WDFY3: variants seen among roughly 807,000 people sequenced by gnomAD.
The protein encoded by WDFY3 is WD repeat and FYVE domain containing 3.
In WDFY3, 66 loss-of-function variants were observed where a neutral mutation model predicts 409.6. That is an observed-to-expected ratio of 0.16 (90% CI 0.13 to 0.20). The LOEUF (loss-of-function observed/expected upper bound fraction) is 0.20, where lower values mean the gene tolerates loss of function less well. WDFY3 is among the 10% of genes least tolerant of loss of function. The pLI is 1.00. For missense variants in WDFY3, 3,031 were observed against 4,298.1 expected (o/e 0.71, Z 8.24); for synonymous variants, 1,521 against 1,537.1 (o/e 0.99, Z 0.25).
At chr4:84,930,708 A>C (rs1035748748) in intron 2 of WDFY3, among the ~76,000 whole-genome samples, 3 of 152,212 alleles carry the variant, frequency 2.0e-5, no homozygotes, top group Non-Finnish European at 4.4e-5. Context: ...ATGATAGTCA[A>C]ATAAATGTCC....
In WDFY3 at chr4:84,670,603, T is replaced by C. The variant is rs1233219778; in HGVS notation, c.*2265A>G. ...AAAGTTTAAAAGTGTTCATCCCATA[T>C]AGTTTCCTATTACAAAGAGGAATAA... is the stretch of plus-strand genomic sequence containing the variant. On this transcript the variant is annotated 3_prime_UTR_variant, in exon 68 of 68. Coordinates refer to ENST00000295888, the MANE Select transcript of WDFY3 (RefSeq NM_014991.6). The C allele has an allele frequency of 6.6e-6, 1 of 152,654 alleles. No homozygotes were observed. The highest frequency in any genetic ancestry group is 1.5e-5 in the Non-Finnish European group (1 of 68,042). The allele number at this position is 152,654 out of a possible 1,614,324, so 9.5% of individuals were successfully genotyped here.
rs974915869 is a variant in WDFY3 at position 84,961,756 on chromosome 4, T to C, written c.-226+4453A>G. On this transcript the variant is annotated intron_variant, in intron 1 of 67. Coordinates refer to ENST00000295888, the MANE Select transcript of WDFY3 (RefSeq NM_014991.6). Reference sequence around the variant, plus strand: ...AATTTAAAGGAGATCACTACACATATAATAAATGGCTAAAGTTTTAATAAC... The same window carrying C: ...AATTTAAAGGAGATCACTACACATACAATAAATGGCTAAAGTTTTAATAAC... Among the ~76,000 whole-genome samples the C allele has an allele frequency of 5.3e-5, 8 of 152,236 alleles. No individual in the cohort carries two copies. In the South Asian group the frequency reaches 1.5e-3, roughly 28 times the overall value.
intron 7 of WDFY3, among the ~76,000 whole-genome samples, chr4:84,833,757 T>G (rs987558551): frequency 6.6e-6 from 1 of 150,630 alleles, no homozygotes; most frequent in Non-Finnish European, 1.5e-5. Flanking sequence ...CGAAGCTCAA[T>G]AGAGAGAGGT....
intron 2 of WDFY3, among the ~76,000 whole-genome samples, chr4:84,918,594 C>A (rs1039503147): frequency 6.6e-6 from 1 of 151,550 alleles, no homozygotes; most frequent in Non-Finnish European, 1.5e-5. Context: ...TAGTGATATA[C>A]GTGAAACAAT....
At chr4:84,728,205 TAAAAC>T (rs551429645) in intron 44 of WDFY3, among the ~76,000 whole-genome samples, 18 of 152,020 alleles carry the variant, frequency 1.2e-4, no homozygotes, top group African/African-American at 2.9e-4. Flanking sequence ...CTGAAATTCA[TAAAAC>T]AAAACAAAAC....
At chr4:84,860,055 C>T (rs146118348) in intron 4 of WDFY3, among the ~76,000 whole-genome samples, 1 of 152,114 alleles carries the variant, frequency 6.6e-6, no homozygotes, top group African/African-American at 2.4e-5. Flanking sequence ...GGCAGTTGCA[C>T]CATTTGGTGT....
At position 84,743,733 on chromosome 4, in the gene WDFY3, T is replaced by C; in HGVS notation, c.6040A>G (p.Met2014Val). The C allele has an allele frequency of 1.9e-6, 3 of 1,595,378 alleles. No individual in the cohort carries two copies. Among genetic ancestry groups the C allele is most frequent in the Non-Finnish European group, 2.6e-6 (3 of 1,168,480 alleles). The change falls in exon 37 of 68, where the codon ATG becomes GTG. Residue 2014 changes from methionine (M) to valine (V), a missense_variant. Coordinates refer to ENST00000295888, the MANE Select transcript of WDFY3 (RefSeq NM_014991.6). ...EFQTYILDSV[M>V]DHLLAADVLL... The stretch of plus-strand genomic sequence containing the variant: ...ACATCAGCTGCAAGCAAATGGTCCA[T>C]CACGCTATCCAAAATGTAAGTTTGA...
At chr4:84,928,420 G>A (rs1411091751) in intron 2 of WDFY3, among the ~76,000 whole-genome samples, 1 of 152,058 alleles carries the variant, frequency 6.6e-6, no homozygotes, top group Non-Finnish European at 1.5e-5. Context: ...AATTGACTAA[G>A]CCAATTCCCC....
rs141093166 is a variant in WDFY3 at position 84,767,133 on chromosome 4, G to A, written c.4850-761C>T. On this transcript the variant is annotated intron_variant, in intron 30 of 67. Coordinates refer to ENST00000295888, the MANE Select transcript of WDFY3 (RefSeq NM_014991.6). Reference sequence around the variant, plus strand: ...GGCCATTTTTTTTTTTCAAAAGCATGTGCTCACTTCATGTCTCTGTCTTAT... The same window carrying A: ...GGCCATTTTTTTTTTTCAAAAGCATATGCTCACTTCATGTCTCTGTCTTAT... Among the ~76,000 whole-genome samples the A allele has an allele frequency of 9.0e-4, 137 of 151,818 alleles. 1 individual carries two copies. The highest frequency in any genetic ancestry group is 3.3e-3 in the African/African-American group (135 of 41,408).
At chr4:84,883,730 T>TATAAA (rs1763843882) in intron 3 of WDFY3, among the ~76,000 whole-genome samples, 1 of 152,174 alleles carries the variant, frequency 6.6e-6, no homozygotes, top group Admixed American at 6.5e-5. Context: ...AGGGAAAGAC[T>TATAAA]ATAAAACTGA....
chr4:84,845,550 T>C (rs550735220), intron 5 of WDFY3, among the ~76,000 whole-genome samples: 1 of 152,170 alleles, frequency 6.6e-6, no homozygotes, highest in East Asian at 1.9e-4. Context: ...ACTTAAAAAT[T>C]GGTTAAGAGG....
At chr4:84,941,511 A>G (rs1772120836) in intron 1 of WDFY3, among the ~76,000 whole-genome samples, 1 of 152,062 alleles carries the variant, frequency 6.6e-6, no homozygotes, top group Admixed American at 6.5e-5. Flanking sequence ...CATTGATAAC[A>G]ATGATGAAAT....
At chr4:84,832,123 T>C (rs1755826065) in intron 7 of WDFY3, among the ~76,000 whole-genome samples, 1 of 151,954 alleles carries the variant, frequency 6.6e-6, no homozygotes, top group African/African-American at 2.4e-5. Flanking sequence ...AAAGAAAACA[T>C]GGAATATATA....
chr4:84,695,515 G>T (rs868545066), intron 58 of WDFY3, among the ~76,000 whole-genome samples: 132 of 118,354 alleles, frequency 1.1e-3, no homozygotes, highest in African/African-American at 5.9e-3. Context: ...GAGATAGAGA[G>T]AGAGAGAGAG....
At chr4:84,839,692 T>C (rs1409679029) in intron 6 of WDFY3, among the ~76,000 whole-genome samples, 1 of 151,840 alleles carries the variant, frequency 6.6e-6, no homozygotes, top group African/African-American at 2.4e-5. Flanking sequence ...ACCCCGTCTC[T>C]ACCAAAAATA....
chr4:84,687,308 A>G (rs1728495162), intron 62 of WDFY3, among the ~76,000 whole-genome samples: 1 of 151,836 alleles, frequency 6.6e-6, no homozygotes, highest in South Asian at 2.1e-4. Context: ...CAGCCCGGCT[A>G]ATTTTTTTAT....
rs138920097 is a variant in WDFY3 at position 84,863,085 on chromosome 4, G to A, written c.-31-2463C>T. Reference sequence around the variant, plus strand: ...ATATTCCACTCTGTGTGCTGCACACGCACACATACATATCTGCTTTTCTTT... The same window carrying A: ...ATATTCCACTCTGTGTGCTGCACACACACACATACATATCTGCTTTTCTTT... On this transcript the variant is annotated intron_variant, in intron 3 of 67. Transcript: ENST00000295888. Among the ~76,000 whole-genome samples the A allele has an allele frequency of 5.7e-3, 862 of 152,218 alleles. 7 individuals carry two copies. Among genetic ancestry groups the A allele is most frequent in the Non-Finnish European group, 8.0e-3 (541 of 68,024 alleles).
intron 46 of WDFY3, 43 bp from the exon 47 acceptor site, chr4:84,721,615 C>T: frequency 6.3e-7 from 1 of 1,590,998 alleles, no homozygotes; most frequent in Non-Finnish European, 8.5e-7. Context: ...ATTGTAAGGA[C>T]CTTGTGGGGA....
intron 32 of WDFY3, among the ~76,000 whole-genome samples, chr4:84,762,075 A>G (rs1192505594): frequency 2.0e-5 from 3 of 152,156 alleles, no homozygotes; most frequent in Admixed American, 2.0e-4. Flanking sequence ...GGGATCTAGA[A>G]CTAGAAATAC....
Sources: gnomAD v4.1 joint callset for allele counts (sites outside exome capture counted in the v4.1 genomes callset) on GRCh38, gnomAD v4.1.1 for gene constraint, MANE v1.5 for transcripts, NCBI Gene and HGNC (gene_info 2026-07-23, HGNC 2026-07-21) for gene names.